Variants in LYPD6B observed in about 807,000 individuals in gnomAD.
LYPD6B encodes the protein ly6/PLAUR domain-containing protein 6B.
LYPD6B carries 17 observed loss-of-function variants against 22.8 expected under a neutral mutation model. That is an observed-to-expected ratio of 0.75 (90% confidence interval 0.51 to 1.12). LYPD6B has a LOEUF of 1.12. Ranked by LOEUF, LYPD6B falls within the 50% of genes most tolerant of loss-of-function variation. LYPD6B has a pLI of 0.00. For missense variants in LYPD6B, 221 were observed against 258.3 expected (o/e 0.86, Z 0.99); for synonymous variants, 106 against 91.6 (o/e 1.16, Z -0.90).
intron 2 of LYPD6B, among the ~76,000 whole-genome samples, chr2:149,155,395 A>T (rs1191632895): frequency 6.6e-6 from 1 of 152,186 alleles, no homozygotes; most frequent in Non-Finnish European, 1.5e-5. Context: ...TGCAAGTGTC[A>T]GTATTGCCCT....
chr2:149,206,762 T>A (rs1338656882), intron 4 of LYPD6B, among the ~76,000 whole-genome samples: 1 of 152,134 alleles, frequency 6.6e-6, no homozygotes, highest in African/African-American at 2.4e-5. Context: ...TATTTACATA[T>A]GTGATATACT....
chr2:149,054,877 T>TA (rs33998512), intron 1 of LYPD6B, among the ~76,000 whole-genome samples: 94 of 146,818 alleles, frequency 6.4e-4, no homozygotes, highest in African/African-American at 1.9e-3. Context: ...ATACCCTATT[T>TA]AAAAAAAAAA....
At chr2:149,119,604 C>T (rs565216417) in intron 1 of LYPD6B, among the ~76,000 whole-genome samples, 22 of 152,282 alleles carry the variant, frequency 1.4e-4, no homozygotes, top group Admixed American at 1.4e-3. Context: ...TGGCTCCGGG[C>T]CCGTAGGCAC....
chr2:149,100,082 T>A (rs566844891), intron 1 of LYPD6B, among the ~76,000 whole-genome samples: 1 of 152,246 alleles, frequency 6.6e-6, no homozygotes, highest in East Asian at 1.9e-4. Flanking sequence ...TAGGAAAAGA[T>A]TGATTTTTGA....
chr2:149,106,843 C>CT (rs1686496544), intron 1 of LYPD6B, among the ~76,000 whole-genome samples: 1 of 151,778 alleles, frequency 6.6e-6, no homozygotes, highest in Admixed American at 6.6e-5. Flanking sequence ...TTCCTCCCCT[C>CT]TTTTTTTTAC....
At chr2:149,203,483 C>T (rs1438686579) in intron 3 of LYPD6B, among the ~76,000 whole-genome samples, 1 of 152,174 alleles carries the variant, frequency 6.6e-6, no homozygotes, top group East Asian at 1.9e-4. Flanking sequence ...TGTATCAGTA[C>T]AACCACTTGA....
At chr2:149,213,873 C>T (rs1694031699) in intron 6 of LYPD6B, among the ~76,000 whole-genome samples, 1 of 152,250 alleles carries the variant, frequency 6.6e-6, no homozygotes, top group South Asian at 2.1e-4. Flanking sequence ...GATGTGCAGC[C>T]AGGGTTGAGA....
At chr2:149,189,798 T>C (rs60199865) in intron 3 of LYPD6B, among the ~76,000 whole-genome samples, 4,828 of 152,240 alleles carry the variant, frequency 0.032, 254 homozygotes, top group African/African-American at 0.11. Context: ...TTGCAAAATG[T>C]AATTAGGATG....
At chr2:149,189,345 T>TATATATATATATATATATAA (rs1692334170) in intron 3 of LYPD6B, among the ~76,000 whole-genome samples, 1 of 86,662 alleles carries the variant, frequency 1.2e-5, no homozygotes, top group African/African-American at 3.4e-5. Flanking sequence ...TCCAAAATTA[T>TATATATATATATATATATAA]ATATATATAT....
chr2:149,152,619 T>C (rs927730189), intron 2 of LYPD6B, among the ~76,000 whole-genome samples: 1 of 152,226 alleles, frequency 6.6e-6, no homozygotes, highest in Non-Finnish European at 1.5e-5. Flanking sequence ...ATAAAGATTT[T>C]CTAGGAATCA....
At chr2:149,204,613 C>T (rs2106139891) in intron 3 of LYPD6B, 1 of 153,936 alleles carries the variant, frequency 6.5e-6, no homozygotes, top group East Asian at 1.9e-4. Context: ...TCTAGAGCCT[C>T]CTGGCAGCTT....
intron 2 of LYPD6B, among the ~76,000 whole-genome samples, chr2:149,151,047 G>A (rs528533875): frequency 5.9e-5 from 9 of 152,100 alleles, no homozygotes; most frequent in Admixed American, 5.2e-4. Flanking sequence ...TACAGTTTTT[G>A]TATTCCTTAT....
At chr2:149,203,463 A>G (rs984344289) in intron 3 of LYPD6B, among the ~76,000 whole-genome samples, 16 of 152,192 alleles carry the variant, frequency 1.1e-4, no homozygotes, top group African/African-American at 3.9e-4. Flanking sequence ...TGAATAGGAG[A>G]AGCAGAATCT....
intron 1 of LYPD6B, among the ~76,000 whole-genome samples, chr2:149,084,692 T>C (rs538850663): frequency 6.6e-6 from 1 of 152,266 alleles, no homozygotes; most frequent in Admixed American, 6.5e-5. Context: ...CATGAGTTCA[T>C]TCATATTTTA....
At chr2:149,060,779 C>G (rs761545259) in intron 1 of LYPD6B, among the ~76,000 whole-genome samples, 4 of 152,088 alleles carry the variant, frequency 2.6e-5, no homozygotes, top group Non-Finnish European at 4.4e-5. Context: ...AGAGTCACTT[C>G]CAAAAGGGTA....
intron 3 of LYPD6B, among the ~76,000 whole-genome samples, chr2:149,175,601 T>C (rs1691235202): frequency 6.6e-6 from 1 of 152,088 alleles, no homozygotes; most frequent in Non-Finnish European, 1.5e-5. Context: ...TTTAACTTTT[T>C]CACAGTTAAG....
At chr2:149,166,411 C>T (rs1273306612) in intron 3 of LYPD6B, among the ~76,000 whole-genome samples, 1 of 152,162 alleles carries the variant, frequency 6.6e-6, no homozygotes, top group African/African-American at 2.4e-5. Context: ...TACTTAACCT[C>T]TCTGTGCCTC....
intron 1 of LYPD6B, among the ~76,000 whole-genome samples, chr2:149,042,087 A>G (rs1038641112): frequency 2.0e-5 from 3 of 152,184 alleles, no homozygotes; most frequent in Non-Finnish European, 2.9e-5. Flanking sequence ...CTAAATCATG[A>G]CTTTGTTTCA....
chr2:149,166,441 T>G (rs763905967), intron 3 of LYPD6B, among the ~76,000 whole-genome samples: 2 of 152,134 alleles, frequency 1.3e-5, no homozygotes, highest in Non-Finnish European at 2.9e-5. Flanking sequence ...ATCTATAAAT[T>G]AGGGACCCTT....
Sources: gnomAD v4.1 joint callset for allele counts (sites outside exome capture counted in the v4.1 genomes callset) on GRCh38, gnomAD v4.1.1 for gene constraint, MANE v1.5 for transcripts, NCBI Gene and HGNC (gene_info 2026-07-23, HGNC 2026-07-21) for gene names.